The following DOCK3 variants were observed in gnomAD, a reference collection of about 807,000 sequenced individuals.
DOCK3 encodes the protein dedicator of cytokinesis 3.
In DOCK3, 60 loss-of-function variants were observed where a neutral mutation model predicts 265.6. The observed-to-expected ratio is 0.23, with a 90% confidence interval of 0.18 to 0.28. The LOEUF (loss-of-function observed/expected upper bound fraction) is 0.28. Among genes scored for constraint, DOCK3 ranks in the 10% least tolerant of loss-of-function variants. The probability of loss-of-function intolerance (pLI) is 1.00; values close to 1 mark genes in which losing one functional copy is unlikely to be tolerated. For synonymous variants in DOCK3, 881 were observed against 938.0 expected, an observed-to-expected ratio of 0.94 and a Z score of 1.11; for missense variants, 1,981 against 2,594.3, an observed-to-expected ratio of 0.76 and a Z score of 5.14.
chr3:50,847,378 G>A (rs900725019), intron 3 of DOCK3, among the ~76,000 whole-genome samples: 1 of 152,036 alleles, frequency 6.6e-6, no homozygotes, highest in African/African-American at 2.4e-5. Flanking sequence ...ATTGAAACTT[G>A]CTTTATGGTT....
intron 32 of DOCK3, among the ~76,000 whole-genome samples, chr3:51,320,013 A>G (rs2083596874): frequency 6.6e-6 from 1 of 151,990 alleles, no homozygotes; most frequent in South Asian, 2.1e-4. Flanking sequence ...TTAGAAAATG[A>G]AATTGTTAGA....
chr3:51,033,590 A>G (rs555165980), intron 5 of DOCK3, among the ~76,000 whole-genome samples: 11 of 152,344 alleles, frequency 7.2e-5, no homozygotes, highest in African/African-American at 1.2e-4. Context: ...TCTGGATGCA[A>G]TGCAACAGTT....
chr3:51,134,899 C>T (rs112949664), intron 9 of DOCK3, among the ~76,000 whole-genome samples: 1,876 of 152,264 alleles, frequency 0.012, 45 homozygotes, highest in African/African-American at 0.041. Flanking sequence ...AGGAACTTTG[C>T]CTCTCCAACT....
chr3:51,172,447 AT>A (rs1447644101), intron 12 of DOCK3, among the ~76,000 whole-genome samples: 1 of 152,158 alleles, frequency 6.6e-6, no homozygotes, highest in Non-Finnish European at 1.5e-5. Context: ...AAGTGCTGGG[AT>A]TACAGGCATG....
intron 23 of DOCK3, among the ~76,000 whole-genome samples, chr3:51,263,407 G>A (rs2079970289): frequency 6.6e-6 from 1 of 152,140 alleles, no homozygotes; most frequent in South Asian, 2.1e-4. Context: ...CCTTACAAGA[G>A]CTCCTGAAGG....
At chr3:51,096,344 C>CT (rs951064697) in intron 9 of DOCK3, among the ~76,000 whole-genome samples, 38 of 149,102 alleles carry the variant, frequency 2.5e-4, no homozygotes, top group East Asian at 3.9e-4. Flanking sequence ...CTTTTCTTTT[C>CT]TTTTTTTTTT....
At chr3:50,808,402 T>G (rs1240411097) in intron 2 of DOCK3, among the ~76,000 whole-genome samples, 1 of 152,172 alleles carries the variant, frequency 6.6e-6, no homozygotes, top group African/African-American at 2.4e-5. Context: ...ACAAAGAATA[T>G]GATAATCTTG....
intron 22 of DOCK3, among the ~76,000 whole-genome samples, chr3:51,252,342 C>T (rs1175045338): frequency 1.3e-5 from 2 of 152,216 alleles, no homozygotes; most frequent in African/African-American, 4.8e-5. Flanking sequence ...CTTGGCAATG[C>T]AGGCTCTTTC....
At chr3:51,252,535 T>C (rs1010347336) in intron 22 of DOCK3, among the ~76,000 whole-genome samples, 1 of 152,074 alleles carries the variant, frequency 6.6e-6, no homozygotes, top group Non-Finnish European at 1.5e-5. Flanking sequence ...TCTTTTATTT[T>C]GTTGAGCAGT....
At chr3:51,338,301 A>T in intron 35 of DOCK3, 58 bp from the exon 36 acceptor site, 12 of 1,538,238 alleles carry the variant, frequency 7.8e-6, no homozygotes, top group South Asian at 1.2e-5. Flanking sequence ...GTACAGTTCT[A>T]TGTGTTGTCT....
At chr3:50,990,053 C>T (rs1053465965) in intron 5 of DOCK3, among the ~76,000 whole-genome samples, 1 of 151,990 alleles carries the variant, frequency 6.6e-6, no homozygotes, top group Admixed American at 6.6e-5. Context: ...AGGAAAAAAT[C>T]TTGGAATTTA....
At chr3:50,896,748 T>G (rs1413969372) in intron 4 of DOCK3, among the ~76,000 whole-genome samples, 1 of 152,242 alleles carries the variant, frequency 6.6e-6, no homozygotes, top group Non-Finnish European at 1.5e-5. Context: ...AAGTAGGCAA[T>G]CATTTCCCCA....
intron 9 of DOCK3, among the ~76,000 whole-genome samples, chr3:51,114,305 G>T (rs1342093449): frequency 2.0e-5 from 3 of 152,196 alleles, no homozygotes; most frequent in African/African-American, 7.2e-5. Context: ...TAAAGGAGCA[G>T]TCAGACGGGA....
At chr3:51,202,902 A>G (rs1009940277) in intron 12 of DOCK3, among the ~76,000 whole-genome samples, 5 of 152,166 alleles carry the variant, frequency 3.3e-5, no homozygotes, top group Non-Finnish European at 7.3e-5. Flanking sequence ...TATAAACAGA[A>G]CCAAAGACAA....
intron 2 of DOCK3, among the ~76,000 whole-genome samples, chr3:50,790,513 G>T (rs1180961378): frequency 6.8e-6 from 1 of 147,950 alleles, no homozygotes; most frequent in African/African-American, 2.5e-5. Context: ...TGCTGGCTTG[G>T]TAGTGGCAGA....
intron 25 of DOCK3, 125 bp downstream of exon 25, chr3:51,275,331 A>G: frequency 7.0e-7 from 1 of 1,429,754 alleles, no homozygotes; most frequent in South Asian, 1.3e-5. Context: ...CATCAGTGAC[A>G]GGAAGGTGCC....
At chr3:51,231,151 C>T (rs772010448) in intron 19 of DOCK3, among the ~76,000 whole-genome samples, 2 of 82,140 alleles carry the variant, frequency 2.4e-5, no homozygotes, top group African/African-American at 5.1e-5. Context: ...TTTTTTGAGA[C>T]GGAGTCTTGC....
intron 23 of DOCK3, among the ~76,000 whole-genome samples, chr3:51,269,652 G>A (rs2061949): frequency 0.029 from 4,483 of 152,262 alleles, 535 homozygotes; most frequent in East Asian, 0.21. Context: ...TGGGAAGGGT[G>A]CATTCTCACC....
Position 50,934,058 on chromosome 3 carries a change from T to A in DOCK3, c.296T>A (p.Leu99Ter). 6.2e-7 allele frequency: 1 copy of A among 1,610,422 alleles called. No individual in the cohort carries two copies. The highest frequency in any genetic ancestry group is 8.5e-7 in the Non-Finnish European group (1 of 1,178,004). Residue 99 changes from leucine to a stop codon, truncating the protein, a stop_gained, in exon 5 of 53, where the codon TTG becomes TAG. Transcript: ENST00000266037. LOFTEE classifies it high-confidence loss of function. Reference protein sequence around the residue: ...VTATLQEWASLWKQLYVKHKV... With the variant: ...VTATLQEWAS ...GCAACTCTACAAGAATGGGCAAGTT[T>A]GTGGAAACAGTTGTATGTGGTAAGT... is the stretch of plus-strand genomic sequence containing the variant.
Sources: gnomAD v4.1 joint callset for allele counts (sites outside exome capture counted in the v4.1 genomes callset) on GRCh38, gnomAD v4.1.1 for gene constraint, MANE v1.5 for transcripts, NCBI Gene and HGNC (gene_info 2026-07-23, HGNC 2026-07-21) for gene names.